The following PTCH2 variants were observed in gnomAD, a reference collection of about 807,000 sequenced individuals.
PTCH2 encodes patched 2.
In PTCH2, 96 loss-of-function variants were observed where a neutral mutation model predicts 117.9. The observed-to-expected ratio is 0.81, with a 90% CI of 0.69 to 0.96. The LOEUF (loss-of-function observed/expected upper bound fraction) is 0.96, where lower values mean the gene tolerates loss of function less well. Among genes scored for constraint, PTCH2 ranks in the 50% least tolerant of loss-of-function variants. The pLI is 0.00. For missense variants in PTCH2, 1,379 were observed against 1,562.5 expected (o/e 0.88, Z 1.98); for synonymous variants, 615 against 660.9 (o/e 0.93, Z 1.06).
chr1:44,834,528 G>C (rs1004231386), intron 2 of PTCH2, among the ~76,000 whole-genome samples: 1 of 152,218 alleles, frequency 6.6e-6, no homozygotes, highest in African/African-American at 2.4e-5. Context: ...AAGGGAAGAA[G>C]AGGACAGAGA....
At chr1:44,835,975 A>G (rs1653666712) in intron 2 of PTCH2, among the ~76,000 whole-genome samples, 1 of 152,196 alleles carries the variant, frequency 6.6e-6, no homozygotes, top group Admixed American at 6.5e-5. Flanking sequence ...TCTGGTGGAA[A>G]TCGGTGGAAG....
Position 44,826,191 on chromosome 1 carries a change from CAATATGTGTTGAAT to C in PTCH2, c.3114+45_3114+58del. On this transcript the variant is annotated intron_variant, in intron 19 of 21. Coordinates refer to ENST00000372192, the MANE Select transcript of PTCH2 (RefSeq NM_003738.5). This position sits in a 1 kb window ranked among gnomAD's most constrained non-coding sequence, Gnocchi z 5.1. The stretch of plus-strand genomic sequence containing the variant: ...ACCTAGCACATAGTAGGGGCTTGAA[CAATATGTGTTGAAT>C]ACTGAATCAGCTGATTGGTCCCTCC... 6.3e-7 allele frequency: 1 copy of C among 1,584,774 alleles called. No homozygotes were observed. Among genetic ancestry groups the C allele is most frequent in the Non-Finnish European group, 8.6e-7 (1 of 1,163,882 alleles).
At chr1:44,828,460 C>T (rs748265386) in intron 12 of PTCH2, 46 bp from the exon 13 acceptor site, 3 of 1,614,162 alleles carry the variant, frequency 1.9e-6, no homozygotes, top group Non-Finnish European at 2.5e-6. Context: ...GAAGCTTGGC[C>T]TCAGCCCCAC....
intron 2 of PTCH2, among the ~76,000 whole-genome samples, chr1:44,839,311 G>A (rs1290717460): frequency 8.9e-5 from 12 of 135,268 alleles, no homozygotes; most frequent in East Asian, 6.7e-4. Context: ...GCAGTGAGCC[G>A]AGATTGCGTC....
chr1:44,839,381 A>AAAAAAAAAC (rs1432034383), intron 2 of PTCH2, among the ~76,000 whole-genome samples: 1 of 150,458 alleles, frequency 6.6e-6, no homozygotes, highest in African/African-American at 2.4e-5. Flanking sequence ...AAAAAAAAAA[A>AAAAAAAAAC]AACAGAAAGA....
intron 11 of PTCH2, 44 bp downstream of exon 11, chr1:44,828,938 T>C: frequency 6.5e-7 from 1 of 1,536,800 alleles, no homozygotes; most frequent in Non-Finnish European, 8.8e-7. Flanking sequence ...TCTTAACCAG[T>C]AAGCTGAGCT....
Position 44,831,799 on chromosome 1 carries a change from T to C in PTCH2, c.526-2A>G, listed in dbSNP as rs761307519. The C allele has an allele frequency of 2.1e-5, 34 of 1,609,042 alleles. No homozygotes were observed. The highest frequency in any genetic ancestry group is 1.6e-4 in the Middle Eastern group (1 of 6,074). On this transcript the variant is annotated splice_acceptor_variant, in intron 4 of 21. Transcript: ENST00000372192. LOFTEE classifies it high-confidence loss of function. The surrounding 1 kb of genome is among the most constrained non-coding windows in gnomAD (Gnocchi z 4.3). ...GCACGGAAACAGCTTCTCAATCATC[T>C]GCCAGGGATACCCCGGGCCACGTCA...
chr1:44,839,246 A>G (rs551037872), intron 2 of PTCH2, among the ~76,000 whole-genome samples: 156 of 151,312 alleles, frequency 1.0e-3, no homozygotes, highest in Non-Finnish European at 1.8e-3. Context: ...ATGGTGGCGC[A>G]TGCCTATAGT....
At chr1:44,829,848 G>C (rs1653352601) in intron 7 of PTCH2, 61 bp downstream of exon 7, 1 of 1,613,782 alleles carries the variant, frequency 6.2e-7, no homozygotes, top group Admixed American at 1.7e-5. Flanking sequence ...GAGCTGCCTG[G>C]CATTACAGTA....
chr1:44,832,455 G>T, intron 2 of PTCH2, 114 bp from the exon 3 acceptor site: 2 of 1,100,540 alleles, frequency 1.8e-6, no homozygotes, highest in Non-Finnish European at 2.7e-6. Context: ...GTGCGGCAGA[G>T]AGGAGTCCCT....
At position 44,829,520 on chromosome 1, in the gene PTCH2, G is replaced by C. The variant is rs749141668; in HGVS notation, c.1097C>G (p.Ala366Gly). ...QRRFVQLAQE[A>G]LPENASQQIH... is the part of the protein sequence containing the mutation. ...CTGCTGGGAAGCGTTCTCAGGCAGG[G>C]CCTCCTGGGCCAGCTGGAGAAACAG... The change falls in exon 9 of 22, where the codon GCC becomes GGC. Residue 366 changes from alanine (A) to glycine (G), a missense_variant. Transcript: ENST00000372192. 2 of 1,614,194 alleles carry C rather than the reference G, an allele frequency of 1.2e-6. No individual in the cohort carries two copies. Among genetic ancestry groups the C allele is most frequent in the Middle Eastern group, 1.7e-4 (1 of 6,058 alleles).
intron 14 of PTCH2, 62 bp from the exon 15 acceptor site, chr1:44,827,776 AC>A (rs1653229537): frequency 6.2e-7 from 1 of 1,611,404 alleles, no homozygotes; most frequent in Non-Finnish European, 8.5e-7. Context: ...CAGGCAGTGG[AC>A]TAAGCCCTCT....
chr1:44,837,783 A>G (rs946689343), intron 2 of PTCH2, among the ~76,000 whole-genome samples: 3 of 152,098 alleles, frequency 2.0e-5, no homozygotes, highest in Admixed American at 6.6e-5. Context: ...CACAAGGTAG[A>G]AAGGATGGGT....
At chr1:44,833,612 T>C (rs1653555478) in intron 2 of PTCH2, among the ~76,000 whole-genome samples, 1 of 151,584 alleles carries the variant, frequency 6.6e-6, no homozygotes, top group Admixed American at 6.6e-5. Flanking sequence ...AATTTTTAAA[T>C]TTTTTGTAGA....
rs753968565 is a variant in PTCH2 at position 44,828,489 on chromosome 1, C to G, written c.1590+17G>C. 1.2e-6 allele frequency: 2 copies of G among 1,614,164 alleles called. No homozygotes were observed. The highest frequency in any genetic ancestry group is 1.1e-5 in the South Asian group (1 of 91,082). On this transcript the variant is annotated intron_variant, in intron 12 of 21. Coordinates refer to ENST00000372192, the MANE Select transcript of PTCH2 (RefSeq NM_003738.5). Reference sequence around the variant, plus strand: ...GCCCCACACCCACCCTGAGCTGCCCCGTGTGAGAGGCCTCACCTGTAGGGA... The same window carrying G: ...GCCCCACACCCACCCTGAGCTGCCCGGTGTGAGAGGCCTCACCTGTAGGGA...
intron 2 of PTCH2, among the ~76,000 whole-genome samples, chr1:44,835,023 G>A (rs1287927721): frequency 1.3e-5 from 2 of 152,176 alleles, no homozygotes; most frequent in East Asian, 3.8e-4. Context: ...GACAGGGGAG[G>A]AAATAGGACA....
At chr1:44,838,693 C>T (rs1452517085) in intron 2 of PTCH2, among the ~76,000 whole-genome samples, 3 of 151,890 alleles carry the variant, frequency 2.0e-5, no homozygotes, top group East Asian at 3.9e-4. Flanking sequence ...AGCCAATGTT[C>T]GGTTTCTTCC....
chr1:44,822,952 TGGCACCTGTTGGGGA>T, intron 21 of PTCH2, 102 bp downstream of exon 21: 2 of 1,176,976 alleles, frequency 1.7e-6, no homozygotes, highest in Non-Finnish European at 2.4e-6. Flanking sequence ...CTTCAGCTGG[TGGCACCTGTTGGGGA>T]GGTACCTGTC....
At position 44,826,996 on chromosome 1, in the gene PTCH2, G is replaced by T. The variant is rs760818128; in HGVS notation, c.2601C>A (p.Asp867Glu). 1 of 1,614,112 alleles carries T rather than the reference G, an allele frequency of 6.2e-7. No individual in the cohort carries two copies. ...CCTGTGAGGCTGCCAGACCCAGGGG[G>T]TCACTGCTCACCCACACGGTCAGCC... is the stretch of plus-strand genomic sequence containing the variant. ...YMGLTVWVSSDPLGLAASQAN... is the reference protein window; with the variant it reads ...YMGLTVWVSSEPLGLAASQAN... The change falls in exon 17 of 22, where the codon GAC becomes GAA. Residue 867 changes from aspartate to glutamate, a missense_variant. Transcript: ENST00000372192. The surrounding 1 kb of genome is among the most constrained non-coding windows in gnomAD (Gnocchi z 5.1).
Sources: allele counts gnomAD v4.1 joint callset (sites outside exome capture counted in the v4.1 genomes callset), GRCh38; gene constraint gnomAD v4.1.1; non-coding constraint Gnocchi (gnomAD v3.1); transcripts MANE v1.5; gene names NCBI Gene and HGNC (gene_info 2026-07-23, HGNC 2026-07-21).